KCNH1: variants seen among roughly 807,000 people sequenced by gnomAD.
KCNH1 encodes voltage-gated delayed rectifier potassium channel KCNH1.
A neutral mutation model predicts 69.2 loss-of-function variants in KCNH1; 27 were observed. That is an observed-to-expected ratio of 0.39 (90% confidence interval 0.29 to 0.54). KCNH1 has a LOEUF of 0.54. KCNH1 is among the 20% of genes least tolerant of loss of function. KCNH1 has a pLI of 0.68. For synonymous variants in KCNH1, 456 were observed against 487.7 expected (o/e 0.93, Z 0.86); for missense variants, 798 against 1,261.6 (o/e 0.63, Z 5.57).
Position 211,080,523 on chromosome 1 carries a change from A to C in KCNH1, c.558+2257T>G, listed in dbSNP as rs185830986. On this transcript the variant is annotated intron_variant, in intron 5 of 10. Transcript: ENST00000271751. ...CCATATTGCCAAGACAATCCTAAGC[A>C]AAAAGAACAAAGCTGGAGGCATCAT... 1.1e-4 allele frequency among the ~76,000 whole-genome samples: 16 copies of C among 152,326 alleles called. No homozygotes were observed. The East Asian group carries it at 2.9e-3, about 28-fold the overall frequency.
At chr1:211,079,078 T>C (rs1221964893) in intron 5 of KCNH1, among the ~76,000 whole-genome samples, 5 of 151,200 alleles carry the variant, frequency 3.3e-5, no homozygotes, top group African/African-American at 1.2e-4. Flanking sequence ...GCAAGACTAA[T>C]AAAGAAGGAA....
chr1:210,838,948 T>C (rs967710307), intron 7 of KCNH1, among the ~76,000 whole-genome samples: 11 of 152,230 alleles, frequency 7.2e-5, no homozygotes, highest in African/African-American at 2.7e-4. Context: ...GGAACGCTTT[T>C]ACATTGCTGG....
intron 10 of KCNH1, among the ~76,000 whole-genome samples, chr1:210,727,585 A>G (rs2149029609): frequency 6.6e-6 from 1 of 151,830 alleles, no homozygotes; most frequent in Non-Finnish European, 1.5e-5. Flanking sequence ...GGTATTCACA[A>G]TCTAAAAAAA....
chr1:210,735,413 AGTGAGTGAGTGTGTGT>A, intron 10 of KCNH1, among the ~76,000 whole-genome samples: 1 of 121,534 alleles, frequency 8.2e-6, no homozygotes, highest in African/African-American at 3.4e-5. Context: ...TGAGTGAATG[AGTGAGTGAGTGTGTGT>A]GTGTGTGTGT....
chr1:210,820,153 C>T (rs969190776), intron 7 of KCNH1, among the ~76,000 whole-genome samples: 2 of 152,220 alleles, frequency 1.3e-5, no homozygotes, highest in Non-Finnish European at 2.9e-5. Flanking sequence ...ATAACTCATA[C>T]AGAAATGTTA....
At chr1:211,121,292 A>G (rs958087695) in intron 1 of KCNH1, among the ~76,000 whole-genome samples, 1 of 152,234 alleles carries the variant, frequency 6.6e-6, no homozygotes. Flanking sequence ...CTACGAGGCT[A>G]TAATAACCAA....
At chr1:210,808,597 T>C (rs1684635257) in intron 7 of KCNH1, among the ~76,000 whole-genome samples, 1 of 152,102 alleles carries the variant, frequency 6.6e-6, no homozygotes, top group African/African-American at 2.4e-5. Flanking sequence ...GTTCTCACAA[T>C]GTTGCCCAGG....
At chr1:210,931,618 C>T (rs1687682240) in intron 6 of KCNH1, among the ~76,000 whole-genome samples, 1 of 151,952 alleles carries the variant, frequency 6.6e-6, no homozygotes, top group Non-Finnish European at 1.5e-5. Context: ...CACTAAATAA[C>T]TTCATGTAAC....
intron 10 of KCNH1, among the ~76,000 whole-genome samples, chr1:210,716,118 G>C (rs1394867161): frequency 6.6e-6 from 1 of 152,066 alleles, no homozygotes; most frequent in African/African-American, 2.4e-5. Flanking sequence ...TCCAATACTT[G>C]GGTAGATCTT....
intron 7 of KCNH1, chr1:210,859,334 C>A: frequency 6.6e-7 from 1 of 1,522,990 alleles, no homozygotes; most frequent in Non-Finnish European, 9.1e-7. Flanking sequence ...CTTTGTTCTT[C>A]ATTAAGACCA....
At chr1:211,087,642 C>G (rs1387249647) in intron 4 of KCNH1, among the ~76,000 whole-genome samples, 1 of 23,944 alleles carries the variant, frequency 4.2e-5, no homozygotes, top group African/African-American at 9.8e-5. Context: ...CACACACGCA[C>G]ACACACACAC....
chr1:210,916,338 A>G (rs1307848087), intron 7 of KCNH1, among the ~76,000 whole-genome samples: 30 of 152,228 alleles, frequency 2.0e-4, no homozygotes, highest in Admixed American at 2.0e-3. Context: ...ATCACATGGA[A>G]AGTGGAACAG....
At chr1:210,833,149 A>G (rs1352669071) in intron 7 of KCNH1, among the ~76,000 whole-genome samples, 1 of 152,110 alleles carries the variant, frequency 6.6e-6, no homozygotes, top group Admixed American at 6.6e-5. Context: ...TTGCAAAGTG[A>G]ATAATCACCA....
chr1:210,917,485 A>AC (rs925967486), intron 7 of KCNH1, among the ~76,000 whole-genome samples: 5 of 152,204 alleles, frequency 3.3e-5, no homozygotes, highest in African/African-American at 1.2e-4. Context: ...GGAAAACAAA[A>AC]AAACAAACAA....
intron 10 of KCNH1, among the ~76,000 whole-genome samples, chr1:210,722,872 T>C (rs1043328138): frequency 6.6e-6 from 1 of 152,196 alleles, no homozygotes; most frequent in Admixed American, 6.5e-5. Context: ...GAAATTTCCT[T>C]GTTTGTTTTA....
intron 7 of KCNH1, among the ~76,000 whole-genome samples, chr1:210,898,200 C>A (rs1466545299): frequency 6.6e-6 from 1 of 152,112 alleles, no homozygotes; most frequent in Non-Finnish European, 1.5e-5. Context: ...AGCTGACCTG[C>A]CTGCTGATTG....
chr1:210,833,838 G>GA (rs1248599361), intron 7 of KCNH1, among the ~76,000 whole-genome samples: 8 of 151,896 alleles, frequency 5.3e-5, no homozygotes, highest in African/African-American at 1.4e-4. Context: ...AAATTTACAA[G>GA]AAAAAAACAA....
At chr1:210,771,427 A>G (rs1438819849) in intron 10 of KCNH1, among the ~76,000 whole-genome samples, 1 of 152,206 alleles carries the variant, frequency 6.6e-6, no homozygotes, top group Non-Finnish European at 1.5e-5. Context: ...AAGGCCAGCA[A>G]TGGATTCCAC....
At chr1:210,754,404 G>C (rs1265706905) in intron 10 of KCNH1, among the ~76,000 whole-genome samples, 1 of 152,122 alleles carries the variant, frequency 6.6e-6, no homozygotes, top group East Asian at 1.9e-4. Flanking sequence ...ATCACTGATA[G>C]GAGGAAATGC....
Sources: gnomAD v4.1 joint callset for allele counts (sites outside exome capture counted in the v4.1 genomes callset) on GRCh38, gnomAD v4.1.1 for gene constraint, MANE v1.5 for transcripts, NCBI Gene and HGNC (gene_info 2026-07-23, HGNC 2026-07-21) for gene names.